The following SPTA1 variants were observed in gnomAD, a reference collection of about 807,000 sequenced individuals.
SPTA1 encodes spectrin alpha, erythrocytic 1.
SPTA1 carries 177 observed loss-of-function variants against 324.7 expected under a neutral mutation model. That is an observed-to-expected ratio of 0.55 (90% CI 0.48 to 0.62). The LOEUF (loss-of-function observed/expected upper bound fraction) is 0.62, where lower values mean the gene tolerates loss of function less well. SPTA1 is among the 20% of genes least tolerant of loss of function. The probability of loss-of-function intolerance (pLI) is 0.00; values close to 1 mark genes in which losing one functional copy is unlikely to be tolerated. For missense variants in SPTA1, 3,162 were observed against 2,883.6 expected (o/e 1.10, Z -2.21); for synonymous variants, 1,195 against 1,041.3 (o/e 1.15, Z -2.84).
Position 158,642,540 on chromosome 1 carries a change from C to A in SPTA1, c.4608G>T (p.Arg1536Ser). Residue 1536 changes from arginine (R) to serine (S), a missense_variant and splice_region_variant, in exon 33 of 52, where the codon AGG becomes AGT. Physicochemically the swap from Arg to Ser is moderately radical, Grantham distance 110. Transcript: ENST00000643759. ...CAAAGGTCTGGTGTTTCAGGTATTT[C>A]CTCTGAAGGGAAAATGAAACAGAAA... ...ESYKDATNIQ[R>S]KYLKHQTFAH... 6.2e-7 allele frequency: 1 copy of A among 1,613,364 alleles called. No homozygotes were observed. Among genetic ancestry groups the A allele is most frequent in the Non-Finnish European group, 8.5e-7 (1 of 1,179,588 alleles).
chr1:158,662,746 G>A lies in SPTA1; in HGVS notation c.2420C>T (p.Ala807Val), dbSNP rs1653318016. 1.2e-6 allele frequency: 2 copies of A among 1,613,896 alleles called. No homozygotes were observed. The highest frequency in any genetic ancestry group is 1.7e-6 in the Non-Finnish European group (2 of 1,179,976). The change falls in exon 17 of 52, where the codon GCC becomes GTC. Residue 807 changes from alanine (A) to valine (V), a missense_variant. By Grantham distance (64) the Ala-to-Val change is moderately conservative. Transcript: ENST00000643759. ...LICRDTEDEE[A>V]WIQETEPSAT... ...TGAGGGTTCAGTCTCTTGGATCCAG[G>A]CCTCCTCATCCTCTGTGTCTCTACA...
chr1:158,645,100 T>C (rs1224187813), intron 29 of SPTA1, 88 bp downstream of exon 29: 3 of 1,382,750 alleles, frequency 2.2e-6, no homozygotes, highest in Non-Finnish European at 3.1e-6. Flanking sequence ...GTGGAAAGTC[T>C]AGTGAACGGA....
At chr1:158,636,804 CT>C (rs1651117244) in intron 36 of SPTA1, 43 bp from the exon 37 acceptor site, 1 of 1,612,176 alleles carries the variant, frequency 6.2e-7, no homozygotes, top group African/African-American at 1.3e-5. Flanking sequence ...GTCTAGACAT[CT>C]AATGTCATCC....
chr1:158,678,260 TC>T, intron 6 of SPTA1, 140 bp downstream of exon 6: 1 of 1,136,160 alleles, frequency 8.8e-7, no homozygotes. Flanking sequence ...TCCTTTGCTG[TC>T]CCAAAGGCAA....
Position 158,685,171 on chromosome 1 carries a change from C to T in SPTA1, c.201G>A (p.Lys67=), listed in dbSNP as rs372582587. 6.8e-6 allele frequency: 11 copies of T among 1,613,752 alleles called. No homozygotes were observed. Among genetic ancestry groups the T allele is most frequent in the Admixed American group, 5.0e-5 (3 of 59,920 alleles). ...AGATATTGACTTTCTCCATGATCCA[C>T]TTCCCCAGATCATCTGCATCTCGCT... ...VFKRDADDLG[K]WIMEKVNILT... The change falls in exon 2 of 52, where the codon AAG becomes AAA. Residue 67 remains lysine, a synonymous_variant. Coordinates refer to ENST00000643759, the MANE Select transcript of SPTA1 (RefSeq NM_003126.4).
intron 35 of SPTA1, among the ~76,000 whole-genome samples, chr1:158,638,863 G>A (rs891091048): frequency 1.3e-5 from 2 of 151,612 alleles, no homozygotes; most frequent in Non-Finnish European, 2.9e-5. Context: ...ACCAACTTTG[G>A]CAGCCACAGA....
At chr1:158,624,061 G>A (rs536919310) in intron 42 of SPTA1, among the ~76,000 whole-genome samples, 3 of 152,344 alleles carry the variant, frequency 2.0e-5, no homozygotes, top group Admixed American at 1.3e-4. Context: ...CAGAAGTCAA[G>A]AATTGAGGTT....
intron 24 of SPTA1, 54 bp downstream of exon 24, chr1:158,651,313 G>C (rs932657493): frequency 2.7e-6 from 3 of 1,122,734 alleles, no homozygotes; most frequent in East Asian, 2.3e-5. Flanking sequence ...AGTGAAATGA[G>C]GACTCCCAAA....
intron 5 of SPTA1, among the ~76,000 whole-genome samples, chr1:158,679,906 C>G (rs550233358): frequency 6.6e-6 from 1 of 152,258 alleles, no homozygotes; most frequent in Non-Finnish European, 1.5e-5. Flanking sequence ...AGCACTCATT[C>G]ATTCTGAAGT....
chr1:158,641,961 C>G (rs1326670450), intron 33 of SPTA1, among the ~76,000 whole-genome samples: 2 of 152,172 alleles, frequency 1.3e-5, no homozygotes, highest in Admixed American at 6.5e-5. Flanking sequence ...ACATATACAC[C>G]ATGGAATTCT....
At chr1:158,667,825 A>C (rs1429138226) in intron 15 of SPTA1, 33 bp downstream of exon 15, 1 of 1,608,798 alleles carries the variant, frequency 6.2e-7, no homozygotes, top group South Asian at 1.1e-5. Flanking sequence ...AGAATTTAGA[A>C]AATGACCTTT....
intron 17 of SPTA1, 156 bp from the exon 18 acceptor site, chr1:158,661,565 C>G: frequency 2.1e-6 from 2 of 938,050 alleles, no homozygotes; most frequent in East Asian, 5.3e-5. Context: ...TCTGATTTCA[C>G]TCTACTTATC....
Position 158,674,746 on chromosome 1 carries a change from G to T in SPTA1, c.1113-71C>A. On this transcript the variant is annotated intron_variant, in intron 8 of 51. Coordinates refer to ENST00000643759, the MANE Select transcript of SPTA1 (RefSeq NM_003126.4). ...GAAAGGACATTGAACAAAGATTTAG[G>T]TTTGGGGTGAGGTAAGATGTGTGAG... is the stretch of plus-strand genomic sequence containing the variant. 10 of 1,597,622 alleles carry T rather than the reference G, an allele frequency of 6.3e-6. No homozygotes were observed. The South Asian group carries it at 8.8e-5, about 14-fold the overall frequency.
chr1:158,638,895 A>G (rs1245224579), intron 35 of SPTA1, among the ~76,000 whole-genome samples: 2 of 152,096 alleles, frequency 1.3e-5, no homozygotes, highest in Non-Finnish European at 2.9e-5. Context: ...AATATTCAAC[A>G]AGAACTACTC....
At chr1:158,622,626 G>A (rs929855780) in intron 43 of SPTA1, 7 of 287,680 alleles carry the variant, frequency 2.4e-5, no homozygotes, top group Non-Finnish European at 4.7e-5. Flanking sequence ...ATGACAACTT[G>A]TCCAGTGCTC....
intron 45 of SPTA1, 76 bp from the exon 46 acceptor site, chr1:158,618,132 A>T (rs1404238228): frequency 2.9e-6 from 4 of 1,393,158 alleles, no homozygotes; most frequent in Non-Finnish European, 4.1e-6. Context: ...TACTTTAAAG[A>T]TCTCATTTCC....
rs1278125675 is a variant in SPTA1, at chr1:158,611,276, G to A, written c.7248C>T (p.Tyr2416=). 1 of 1,613,680 alleles carries A rather than the reference G, an allele frequency of 6.2e-7. No homozygotes were observed. The highest frequency in any genetic ancestry group is 8.5e-7 in the Non-Finnish European group (1 of 1,179,712). ...GYDYVGFTNS[Y]FGN is the part of the protein sequence containing the mutation. ...GAGGAGCTGCTTATTAGTTGCCAAA[G>A]TAGGAATTGGTGAAGCCAACGTAGT... The change falls in exon 52 of 52, where the codon TAC becomes TAT. Residue 2416 remains tyrosine (Y), a synonymous_variant. Coordinates refer to ENST00000643759, the MANE Select transcript of SPTA1 (RefSeq NM_003126.4).
intron 30 of SPTA1, among the ~76,000 whole-genome samples, chr1:158,643,688 A>G (rs554557160): frequency 2.6e-5 from 4 of 152,316 alleles, no homozygotes; most frequent in African/African-American, 9.6e-5. Flanking sequence ...TCCTTTATTG[A>G]GTGAGATGAT....
intron 42 of SPTA1, 108 bp from the exon 43 acceptor site, chr1:158,623,300 A>T: frequency 1.0e-6 from 1 of 953,944 alleles, no homozygotes; most frequent in Non-Finnish European, 1.7e-6. Context: ...AAGAATTAAG[A>T]TGATGATTAA....
Sources: allele counts gnomAD v4.1 joint callset (sites outside exome capture counted in the v4.1 genomes callset), GRCh38; gene constraint gnomAD v4.1.1; transcripts MANE v1.5; gene names NCBI Gene and HGNC (gene_info 2026-07-23, HGNC 2026-07-21).